Variants in FMN2 observed in about 807,000 individuals in gnomAD.
FMN2 encodes the protein formin-2.
FMN2 carries 51 observed loss-of-function variants against 142.3 expected under a neutral mutation model. The observed-to-expected ratio is 0.36, with a 90% CI of 0.29 to 0.45. The LOEUF (loss-of-function observed/expected upper bound fraction) is 0.45, where lower values mean the gene tolerates loss of function less well. FMN2 is among the 20% of genes least tolerant of loss of function. The pLI is 1.00. For synonymous variants in FMN2, 882 were observed against 869.8 expected, an observed-to-expected ratio of 1.01 and a Z score of -0.25; for missense variants, 1,936 against 2,122.8, an observed-to-expected ratio of 0.91 and a Z score of 1.73.
chr1:240,107,632 T>C (rs1661662503), intron 1 of FMN2, among the ~76,000 whole-genome samples: 1 of 152,218 alleles, frequency 6.6e-6, no homozygotes, highest in South Asian at 2.1e-4. Flanking sequence ...TCATCATATG[T>C]GTTCTATGAT....
chr1:240,145,530 ATTTTTTTTTTTTTTT>A (rs71168902), intron 2 of FMN2: 24 of 84,484 alleles, frequency 2.8e-4, no homozygotes, highest in East Asian at 1.0e-3. Flanking sequence ...TTCTTTTTCT[ATTTTTTTTTTTTTTT>A]TTTTTTTTTT....
chr1:240,371,203 C>T (rs147929144), intron 14 of FMN2, among the ~76,000 whole-genome samples: 5,131 of 152,082 alleles, frequency 0.034, 304 homozygotes, highest in African/African-American at 0.12. Context: ...CAAGTGATAC[C>T]CCCACCTTGG....
intron 7 of FMN2, among the ~76,000 whole-genome samples, chr1:240,286,177 C>T (rs1400377712): frequency 6.6e-6 from 1 of 152,066 alleles, no homozygotes; most frequent in Admixed American, 6.6e-5. Context: ...GCCTGTCTGG[C>T]AGTGTTCTGG....
intron 2 of FMN2, among the ~76,000 whole-genome samples, chr1:240,156,934 G>GAAA (rs1664049111): frequency 6.6e-6 from 1 of 152,182 alleles, no homozygotes; most frequent in African/African-American, 2.4e-5. Context: ...GTTGCTATTT[G>GAAA]AGCAAGCTTT....
chr1:240,273,986 G>A (rs187337535), intron 7 of FMN2, among the ~76,000 whole-genome samples: 4 of 152,224 alleles, frequency 2.6e-5, no homozygotes, highest in African/African-American at 9.6e-5. Flanking sequence ...CACAAAGAAA[G>A]ATGCCAGCAT....
intron 6 of FMN2, among the ~76,000 whole-genome samples, chr1:240,233,705 C>G (rs995262545): frequency 7.9e-5 from 12 of 151,846 alleles, no homozygotes; most frequent in African/African-American, 2.9e-4. Flanking sequence ...ATTAGTAGGA[C>G]CTTACAAAGA....
At chr1:240,356,352 A>C (rs536138351) in intron 14 of FMN2, among the ~76,000 whole-genome samples, 55 of 152,248 alleles carry the variant, frequency 3.6e-4, no homozygotes, top group African/African-American at 1.1e-3. Flanking sequence ...TGTTGTTCGG[A>C]TCTTCAGAGC....
rs1469674915 is a variant in FMN2, at chr1:240,402,685, G to GTA, written c.4910+10125_4910+10126dup. Among the ~76,000 whole-genome samples, 4 of 152,184 alleles carry GTA rather than the reference G, an allele frequency of 2.6e-5. No individual in the cohort carries two copies. The East Asian group carries it at 7.7e-4, about 29-fold the overall frequency. On this transcript the variant is annotated intron_variant, in intron 15 of 17. Transcript: ENST00000319653. Reference sequence around the variant, plus strand: ...CACGGCTTTCTTCAATTATGGAAAAGTATCACCAGACCAAATATGATTGTT... The same window carrying GTA: ...CACGGCTTTCTTCAATTATGGAAAAGTATATCACCAGACCAAATATGATTGTT...
At chr1:240,437,504 G>T (rs528742026) in intron 15 of FMN2, among the ~76,000 whole-genome samples, 1 of 151,742 alleles carries the variant, frequency 6.6e-6, no homozygotes, top group Non-Finnish European at 1.5e-5. Context: ...GGGTTTCACC[G>T]TGTTAGCCAG....
intron 13 of FMN2, among the ~76,000 whole-genome samples, chr1:240,340,473 C>A (rs1406134665): frequency 2.0e-5 from 3 of 151,902 alleles, no homozygotes; most frequent in Non-Finnish European, 4.4e-5. Context: ...CCCAGCTACT[C>A]GGGAGGCTGA....
At chr1:240,237,080 G>A (rs560782296) in intron 6 of FMN2, among the ~76,000 whole-genome samples, 23 of 152,256 alleles carry the variant, frequency 1.5e-4, no homozygotes, top group African/African-American at 5.1e-4. Flanking sequence ...TCACATAGCT[G>A]GGAATAGTCA....
At chr1:240,303,655 C>T (rs1670281836) in intron 8 of FMN2, among the ~76,000 whole-genome samples, 2 of 152,118 alleles carry the variant, frequency 1.3e-5, no homozygotes, top group South Asian at 2.1e-4. Context: ...TTTGGATTAA[C>T]ATCATTTTGA....
intron 8 of FMN2, among the ~76,000 whole-genome samples, chr1:240,308,905 A>G (rs532254555): frequency 4.6e-5 from 7 of 152,288 alleles, no homozygotes; most frequent in African/African-American, 1.7e-4. Flanking sequence ...AAGTGGAAGC[A>G]GCTTGGTAGA....
chr1:240,251,000 A>G (rs1668258889), intron 6 of FMN2, among the ~76,000 whole-genome samples: 2 of 151,776 alleles, frequency 1.3e-5, no homozygotes, highest in African/African-American at 4.8e-5. Flanking sequence ...TCTAGCTAGC[A>G]GTTTATCAAT....
At chr1:240,226,109 G>T (rs1667288633) in intron 6 of FMN2, among the ~76,000 whole-genome samples, 1 of 152,056 alleles carries the variant, frequency 6.6e-6, no homozygotes, top group Non-Finnish European at 1.5e-5. Flanking sequence ...AGAGGAGAGA[G>T]AAAAGGGGCA....
intron 7 of FMN2, among the ~76,000 whole-genome samples, chr1:240,258,362 G>A (rs985346475): frequency 3.3e-5 from 5 of 152,134 alleles, no homozygotes; most frequent in Admixed American, 2.0e-4. Context: ...CTGAAAGTTC[G>A]AGATCAGGGT....
intron 4 of FMN2, among the ~76,000 whole-genome samples, chr1:240,206,298 C>T (rs931550678): frequency 1.3e-5 from 2 of 152,044 alleles, no homozygotes; most frequent in African/African-American, 2.4e-5. Context: ...ATGATATAAG[C>T]GGTATGGCAC....
chr1:240,237,979 C>T (rs1667764952), intron 6 of FMN2, among the ~76,000 whole-genome samples: 1 of 152,102 alleles, frequency 6.6e-6, no homozygotes, highest in Admixed American at 6.6e-5. Flanking sequence ...AGATGATTTC[C>T]TTCCTCAGGG....
chr1:240,243,784 T>G (rs1219645564), intron 6 of FMN2, among the ~76,000 whole-genome samples: 1 of 152,236 alleles, frequency 6.6e-6, no homozygotes, highest in African/African-American at 2.4e-5. Flanking sequence ...AGACATGTCC[T>G]GAAATATGGA....
Sources: allele counts gnomAD v4.1 joint callset (sites outside exome capture counted in the v4.1 genomes callset), GRCh38; gene constraint gnomAD v4.1.1; transcripts MANE v1.5; gene names NCBI Gene and HGNC (gene_info 2026-07-23, HGNC 2026-07-21).